Variants in GCNT1 observed in about 807,000 individuals in gnomAD.
GCNT1 encodes the protein beta-1,3-galactosyl-O-glycosyl-glycoprotein beta-1,6-N-acetylglucosaminyltransferase.
A neutral mutation model predicts 26.2 loss-of-function variants in GCNT1; 16 were observed. The observed-to-expected ratio is 0.61, with a 90% CI of 0.41 to 0.93. GCNT1 has a LOEUF of 0.93. Among genes scored for constraint, GCNT1 ranks in the 40% least tolerant of loss-of-function variants. The pLI, the probability that GCNT1 is intolerant of heterozygous loss-of-function variation, is 0.00. For synonymous variants in GCNT1, 183 were observed against 190.8 expected (o/e 0.96, Z 0.34); for missense variants, 477 against 526.7 (o/e 0.91, Z 0.92).
chr9:76,447,902 C>CTG (rs5898478), intron 1 of GCNT1, among the ~76,000 whole-genome samples: 42,370 of 151,966 alleles, frequency 0.28, 6,225 homozygotes, highest in Non-Finnish European at 0.32. Context: ...ATTCCTGAAA[C>CTG]TGAAAATGCC....
chr9:76,421,875 G>A (rs1046623489), intron 1 of GCNT1, among the ~76,000 whole-genome samples: 1 of 151,538 alleles, frequency 6.6e-6, no homozygotes, highest in African/African-American at 2.4e-5. Flanking sequence ...TGTGTTTTTT[G>A]TAGAGCCAGG....
intron 1 of GCNT1, among the ~76,000 whole-genome samples, chr9:76,426,694 G>A (rs1823262378): frequency 6.6e-6 from 1 of 152,080 alleles, no homozygotes; most frequent in South Asian, 2.1e-4. Flanking sequence ...TCAGGAGTTT[G>A]AGACCAGCCT....
At chr9:76,482,981 TA>T (rs1257904707) in intron 2 of GCNT1, among the ~76,000 whole-genome samples, 1 of 151,662 alleles carries the variant, frequency 6.6e-6, no homozygotes, top group Non-Finnish European at 1.5e-5. Context: ...TTTAATCTAG[TA>T]TATCAAAATT....
chr9:76,451,693 T>C (rs1386911262), intron 1 of GCNT1, among the ~76,000 whole-genome samples: 2 of 152,180 alleles, frequency 1.3e-5, no homozygotes, highest in African/African-American at 4.8e-5. Flanking sequence ...CTGCTGACAC[T>C]CAATTTTGGA....
At chr9:76,460,511 T>C (rs1564231325) in intron 2 of GCNT1, among the ~76,000 whole-genome samples, 1 of 152,164 alleles carries the variant, frequency 6.6e-6, no homozygotes, top group Non-Finnish European at 1.5e-5. Context: ...TTAGTAGTTT[T>C]TAAAGATCAG....
chr9:76,453,947 T>C (rs183997563), intron 1 of GCNT1, among the ~76,000 whole-genome samples: 2 of 152,280 alleles, frequency 1.3e-5, no homozygotes, highest in East Asian at 3.9e-4. Context: ...AGAAGGATTA[T>C]TGCAATAGAA....
chr9:76,463,767 C>T (rs1016916680), intron 2 of GCNT1, among the ~76,000 whole-genome samples: 2 of 151,946 alleles, frequency 1.3e-5, no homozygotes, highest in Non-Finnish European at 2.9e-5. Flanking sequence ...ATAGTCACAC[C>T]GGCTCAGGCT....
At position 76,502,504 on chromosome 9, in the gene GCNT1, A is replaced by T. The variant is rs1267795705; in HGVS notation, c.123A>T (p.Val41=). The T allele has an allele frequency of 1.2e-6, 2 of 1,613,894 alleles. No homozygotes were observed. Among genetic ancestry groups the T allele is most frequent in the South Asian group, 2.2e-5 (2 of 91,072 alleles). ...GGATTCATCAAAAGCCTGAATTTGT[A>T]AGTGTCAGACACTTGGAGCTTGCTG... The part of the protein sequence containing the change: ...VLRIHQKPEF[V]SVRHLELAGE... The change falls in exon 4 of 4, where the codon GTA becomes GTT. Residue 41 remains valine (V), a synonymous_variant. Transcript: ENST00000376730.
At chr9:76,443,823 G>C (rs1349737110) in intron 1 of GCNT1, among the ~76,000 whole-genome samples, 1 of 151,794 alleles carries the variant, frequency 6.6e-6, no homozygotes, top group Non-Finnish European at 1.5e-5. Context: ...GGAGGTTTCA[G>C]TGAGCCACTG....
chr9:76,500,403 T>G (rs556143537), intron 2 of GCNT1, among the ~76,000 whole-genome samples: 3 of 152,328 alleles, frequency 2.0e-5, no homozygotes, highest in African/African-American at 7.2e-5. Flanking sequence ...GCATACTTTT[T>G]GTAGTGTTTT....
upstream of GCNT1, among the ~76,000 whole-genome samples, chr9:76,419,548 C>T (rs945749785): frequency 1.3e-5 from 2 of 152,062 alleles, no homozygotes; most frequent in Non-Finnish European, 1.5e-5. Context: ...GTCCCAACTA[C>T]TCAGGAGGTT....
chr9:76,401,458 G>A, the GCNT1 span, among the ~76,000 whole-genome samples: 1 of 152,018 alleles, frequency 6.6e-6, no homozygotes, highest in African/African-American at 2.4e-5. Context: ...AACCACAAAT[G>A]TATTTGTGGT....
At chr9:76,428,487 T>C (rs1823290871) in intron 1 of GCNT1, among the ~76,000 whole-genome samples, 1 of 151,834 alleles carries the variant, frequency 6.6e-6, no homozygotes, top group South Asian at 2.1e-4. Flanking sequence ...AATGTTAATA[T>C]TTTGACATAT....
the GCNT1 span, among the ~76,000 whole-genome samples, chr9:76,396,134 A>T: frequency 6.6e-6 from 1 of 152,230 alleles, no homozygotes; most frequent in African/African-American, 2.4e-5. Context: ...ACTAAGCCCT[A>T]GGTTGCAAGA....
rs540865793 is a variant in GCNT1 at position 76,470,045 on chromosome 9, G to T, written c.-290+9868G>T. The stretch of plus-strand genomic sequence containing the variant: ...CATACTTATATTAAGGGTACTCTTA[G>T]GGTCTATACTAAGAAATTTTGCATG... On this transcript the variant is annotated intron_variant, in intron 2 of 3. Transcript: ENST00000376730. 3.5e-4 allele frequency among the ~76,000 whole-genome samples: 54 copies of T among 152,166 alleles called. 1 individual carries two copies. The highest frequency in any genetic ancestry group is 1.3e-3 in the African/African-American group (53 of 41,520).
intron 2 of GCNT1, among the ~76,000 whole-genome samples, chr9:76,474,343 AAC>A (rs1824209970): frequency 1.3e-5 from 2 of 152,196 alleles, no homozygotes; most frequent in African/African-American, 2.4e-5. Context: ...GAGGCACAGA[AAC>A]TTACAAGTAG....
chr9:76,449,603 A>G (rs1054684414), intron 1 of GCNT1, among the ~76,000 whole-genome samples: 2 of 152,080 alleles, frequency 1.3e-5, no homozygotes, highest in African/African-American at 2.4e-5. Flanking sequence ...ACCTTCCCAC[A>G]ATTTACCCAC....
intron 1 of GCNT1, among the ~76,000 whole-genome samples, chr9:76,420,898 C>T (rs1823181196): frequency 6.8e-6 from 1 of 147,738 alleles, no homozygotes; most frequent in African/African-American, 2.5e-5. Context: ...AAAATCACAC[C>T]ACTGCACTCC....
rs923565537 is a variant in GCNT1, at chr9:76,505,556, C to T, written c.*1888C>T. 9 of 166,606 alleles carry T rather than the reference C, an allele frequency of 5.4e-5. No homozygotes were observed. Among genetic ancestry groups the T allele is most frequent in the Non-Finnish European group, 1.0e-4 (7 of 68,126 alleles). 10.3% of individuals were successfully genotyped at this position (166,606 alleles called of 1,614,324 possible). A position where few individuals can be genotyped will look rare whatever the true frequency, so the allele number is the denominator to read the frequency against. On this transcript the variant is annotated 3_prime_UTR_variant, in exon 4 of 4. Transcript: ENST00000376730. ...CCTTTTAACTCTAAAACTAGTGATA[C>T]TCAGTGACATAGACTTTGTCTTATA...
Sources: allele counts gnomAD v4.1 joint callset (sites outside exome capture counted in the v4.1 genomes callset), GRCh38; gene constraint gnomAD v4.1.1; transcripts MANE v1.5; gene names NCBI Gene and HGNC (gene_info 2026-07-23, HGNC 2026-07-21).